Variants in GSE1 observed in about 807,000 individuals in gnomAD.
GSE1 encodes Gse1 coiled-coil protein.
A neutral mutation model predicts 112.6 loss-of-function variants in GSE1; 32 were observed. The observed-to-expected ratio is 0.28, with a 90% CI of 0.21 to 0.38. The LOEUF (loss-of-function observed/expected upper bound fraction) is 0.38. GSE1 is among the 10% of genes least tolerant of loss of function. GSE1 has a pLI of 1.00. For synonymous variants in GSE1, 1,115 were observed against 735.6 expected (o/e 1.52, Z -8.35); for missense variants, 2,348 against 1,699.2 (o/e 1.38, Z -6.71).
intron 2 of GSE1, among the ~76,000 whole-genome samples, chr16:85,413,283 G>A (rs1394805854): frequency 6.6e-6 from 1 of 152,206 alleles, no homozygotes; most frequent in Admixed American, 6.5e-5. Context: ...GGTGGGTTGA[G>A]GGTTGGGAAG....
intron 1 of GSE1, among the ~76,000 whole-genome samples, chr16:85,253,399 G>A (rs1018197279): frequency 2.6e-5 from 4 of 152,226 alleles, no homozygotes; most frequent in African/African-American, 9.6e-5. Flanking sequence ...GCTGCAGCCT[G>A]TGTGGCCCTG....
At chr16:85,470,732 C>T (rs979055003) in intron 2 of GSE1, among the ~76,000 whole-genome samples, 4 of 152,150 alleles carry the variant, frequency 2.6e-5, no homozygotes, top group African/African-American at 9.7e-5. Context: ...AGCCAGCCCC[C>T]GCCCCCTGCC....
At chr16:85,374,535 TGTGTGTGTGC>T (rs2047376291) in intron 2 of GSE1, among the ~76,000 whole-genome samples, 1 of 20,976 alleles carries the variant, frequency 4.8e-5, no homozygotes, top group African/African-American at 5.6e-5. Context: ...CGTGTGTGTG[TGTGTGTGTGC>T]GCGCGCGCGT....
At chr16:85,287,049 C>T (rs1206316556) in intron 1 of GSE1, among the ~76,000 whole-genome samples, 8 of 152,250 alleles carry the variant, frequency 5.3e-5, no homozygotes, top group African/African-American at 1.2e-4. Flanking sequence ...GTTTCTCCAG[C>T]GCCTCTGGCC....
chr16:85,433,465 C>A (rs190890072), intron 2 of GSE1, among the ~76,000 whole-genome samples: 12 of 152,290 alleles, frequency 7.9e-5, no homozygotes, highest in Non-Finnish European at 1.6e-4. Flanking sequence ...TGGCCACCCC[C>A]AGGGACCTCT....
intron 1 of GSE1, among the ~76,000 whole-genome samples, chr16:85,266,253 G>A (rs1184219303): frequency 6.6e-6 from 1 of 152,194 alleles, no homozygotes; most frequent in Non-Finnish European, 1.5e-5. Context: ...TGCTGGGCAT[G>A]CGTCCTCTCT....
chr16:85,425,048 G>A (rs946013727), intron 2 of GSE1, among the ~76,000 whole-genome samples: 11 of 152,252 alleles, frequency 7.2e-5, no homozygotes, highest in South Asian at 2.1e-4. Flanking sequence ...GGGCTGGACT[G>A]GACTGGGCTG....
chr16:85,269,598 C>T (rs1056137867), intron 1 of GSE1, among the ~76,000 whole-genome samples: 3 of 149,234 alleles, frequency 2.0e-5, no homozygotes, highest in African/African-American at 4.8e-5. Flanking sequence ...CCTGACTCCC[C>T]GGTGCTGCCT....
intron 2 of GSE1, among the ~76,000 whole-genome samples, chr16:85,475,927 C>G (rs1268400758): frequency 6.6e-6 from 1 of 151,804 alleles, no homozygotes; most frequent in Non-Finnish European, 1.5e-5. Flanking sequence ...GCGGCCACTT[C>G]TTTATTATCG....
At chr16:85,328,221 C>T (rs546062134) in intron 1 of GSE1, among the ~76,000 whole-genome samples, 1 of 152,342 alleles carries the variant, frequency 6.6e-6, no homozygotes, top group African/African-American at 2.4e-5. Context: ...CCCCTTTCCG[C>T]TCCTCCTCCA....
At chr16:85,329,720 G>A (rs1418650548) in intron 1 of GSE1, among the ~76,000 whole-genome samples, 1 of 151,998 alleles carries the variant, frequency 6.6e-6, no homozygotes, top group Non-Finnish European at 1.5e-5. Context: ...AAGGCTCCGC[G>A]CAGGGTAAAC....
chr16:85,584,247 T>C (rs1209514835), intron 1 of GSE1, among the ~76,000 whole-genome samples: 1 of 152,076 alleles, frequency 6.6e-6, no homozygotes, highest in Non-Finnish European at 1.5e-5. Flanking sequence ...CTCCCCTCTT[T>C]TTGGGCAGGA....
At chr16:85,465,814 A>G (rs1174688023) in intron 2 of GSE1, among the ~76,000 whole-genome samples, 1 of 152,226 alleles carries the variant, frequency 6.6e-6, no homozygotes, top group East Asian at 1.9e-4. Flanking sequence ...CTTCCAAGCT[A>G]CTGAGTATGT....
At chr16:85,415,583 G>A (rs952523583) in intron 2 of GSE1, among the ~76,000 whole-genome samples, 12 of 152,258 alleles carry the variant, frequency 7.9e-5, no homozygotes, top group African/African-American at 2.9e-4. Context: ...AGGGCCCCGA[G>A]CAAACCCTTC....
At chr16:85,331,335 GTGTGTGT>G (rs2046336573) in intron 1 of GSE1, among the ~76,000 whole-genome samples, 1 of 88,484 alleles carries the variant, frequency 1.1e-5, no homozygotes, top group Non-Finnish European at 2.5e-5. Context: ...GTGTGTGTGT[GTGTGTGT>G]GTGTGTGTGT....
intron 2 of GSE1, among the ~76,000 whole-genome samples, chr16:85,396,662 G>A (rs1370970235): frequency 6.6e-6 from 1 of 152,226 alleles, no homozygotes; most frequent in Non-Finnish European, 1.5e-5. Flanking sequence ...GGACGTTCAG[G>A]CCATTCTCAG....
At chr16:85,296,266 A>C (rs1438049466) in intron 1 of GSE1, among the ~76,000 whole-genome samples, 1 of 152,124 alleles carries the variant, frequency 6.6e-6, no homozygotes, top group Non-Finnish European at 1.5e-5. Context: ...ATCATGTGTG[A>C]GCACGGACAC....
intron 1 of GSE1, among the ~76,000 whole-genome samples, chr16:85,246,348 T>TACACAC (rs375723620): frequency 1.6e-5 from 1 of 61,680 alleles, no homozygotes; most frequent in African/African-American, 8.0e-5. Context: ...ACACGCTGTC[T>TACACAC]ACACACACAC....
At chr16:85,476,772 C>A (rs545515203) in intron 2 of GSE1, among the ~76,000 whole-genome samples, 4 of 141,636 alleles carry the variant, frequency 2.8e-5, no homozygotes, top group South Asian at 4.5e-4. Context: ...CCACGCCTGA[C>A]CATTTTTTTT....
Sources: gnomAD v4.1 joint callset for allele counts (sites outside exome capture counted in the v4.1 genomes callset) on GRCh38, gnomAD v4.1.1 for gene constraint, MANE v1.5 for transcripts, NCBI Gene and HGNC (gene_info 2026-07-23, HGNC 2026-07-21) for gene names.